Variants in CCSER2 observed in about 807,000 individuals in gnomAD.
CCSER2 encodes the protein coiled-coil serine rich protein 2.
In CCSER2, 46 loss-of-function variants were observed where a neutral mutation model predicts 92.3. The observed-to-expected ratio is 0.50, with a 90% confidence interval of 0.39 to 0.64. The LOEUF (loss-of-function observed/expected upper bound fraction) is 0.64. Among genes scored for constraint, CCSER2 ranks in the 30% least tolerant of loss-of-function variants. CCSER2 has a pLI of 0.00. For synonymous variants in CCSER2, 433 were observed against 431.4 expected (o/e 1.00, Z -0.04); for missense variants, 1,244 against 1,238.9 (o/e 1.00, Z -0.06).
intron 6 of CCSER2, among the ~76,000 whole-genome samples, chr10:84,445,374 C>T (rs190313006): frequency 1.3e-5 from 2 of 152,272 alleles, no homozygotes; most frequent in East Asian, 1.9e-4. Flanking sequence ...AGGATGACCT[C>T]GATCTCCTGA....
intron 6 of CCSER2, among the ~76,000 whole-genome samples, chr10:84,442,106 T>C (rs748018890): frequency 4.6e-5 from 7 of 152,074 alleles, no homozygotes; most frequent in Admixed American, 1.3e-4. Flanking sequence ...ATTTTTAACC[T>C]TAAGGGGTCA....
At chr10:84,508,544 A>T (rs1201869990) in intron 9 of CCSER2, among the ~76,000 whole-genome samples, 1 of 152,182 alleles carries the variant, frequency 6.6e-6, no homozygotes, top group East Asian at 1.9e-4. Context: ...TGTAAAAGCT[A>T]AGTGACTCAG....
intron 3 of CCSER2, among the ~76,000 whole-genome samples, chr10:84,385,034 C>CA (rs61236890): frequency 5.3e-4 from 80 of 151,534 alleles, no homozygotes; most frequent in African/African-American, 1.8e-3. Flanking sequence ...CACACACACA[C>CA]CCAGGAATAC....
At chr10:84,391,005 C>G in intron 3 of CCSER2, 1 of 772,844 alleles carries the variant, frequency 1.3e-6, no homozygotes, top group Non-Finnish European at 2.4e-6. Context: ...AGAACCTGCT[C>G]GTGCTTTACA....
chr10:84,392,167 T>C (rs1841557739), intron 3 of CCSER2: 1 of 550,234 alleles, frequency 1.8e-6, no homozygotes, highest in African/African-American at 1.9e-5. Context: ...CGGTAGGGAA[T>C]ACACTACAAT....
intron 9 of CCSER2, among the ~76,000 whole-genome samples, chr10:84,503,179 A>T (rs951693907): frequency 1.3e-5 from 2 of 152,248 alleles, no homozygotes; most frequent in South Asian, 2.1e-4. Context: ...CGTGAGCCAG[A>T]TCGCACCACT....
chr10:84,442,381 G>A (rs777862199), intron 6 of CCSER2, among the ~76,000 whole-genome samples: 1 of 152,122 alleles, frequency 6.6e-6, no homozygotes, highest in South Asian at 2.1e-4. Context: ...AACATAGGCT[G>A]TATATTAGAT....
At chr10:84,485,067 CAA>C (rs1847725142) in intron 9 of CCSER2, among the ~76,000 whole-genome samples, 1 of 152,094 alleles carries the variant, frequency 6.6e-6, no homozygotes, top group Non-Finnish European at 1.5e-5. Flanking sequence ...TTGGAAGAAG[CAA>C]AGTTTGCCTG....
Position 84,391,006 on chromosome 10 carries a change from G to A in CCSER2, c.1614+17191G>A, listed in dbSNP as rs141374873. 3.7e-4 allele frequency: 287 copies of A among 772,914 alleles called. 1 individual carries two copies. In the African/African-American group the frequency reaches 4.5e-3, roughly 12 times the overall value. The allele number at this position is 772,914 out of a possible 1,614,324, so 47.9% of individuals were successfully genotyped here. On this transcript the variant is annotated intron_variant, in intron 3 of 9. Coordinates refer to ENST00000372088, the MANE Select transcript of CCSER2 (RefSeq NM_001284240.2). Reference sequence around the variant, plus strand: ...TAAATACCAGCATAAGAACCTGCTCGTGCTTTACAATGCCTTAGGAACATT... The same window carrying A: ...TAAATACCAGCATAAGAACCTGCTCATGCTTTACAATGCCTTAGGAACATT...
At chr10:84,344,087 T>A (rs1404251221) in intron 1 of CCSER2, among the ~76,000 whole-genome samples, 3 of 152,220 alleles carry the variant, frequency 2.0e-5, no homozygotes, top group Non-Finnish European at 4.4e-5. Flanking sequence ...TTTAATATGT[T>A]TCATAAGCAC....
chr10:84,333,846 T>C (rs1486189456), intron 1 of CCSER2, among the ~76,000 whole-genome samples: 1 of 152,244 alleles, frequency 6.6e-6, no homozygotes, highest in Non-Finnish European at 1.5e-5. Flanking sequence ...CACAGCACTT[T>C]GTTATATTTC....
rs567921964 is a variant in CCSER2 at position 84,409,084 on chromosome 10, G to A, written c.1615-8687G>A. 3.0e-4 allele frequency among the ~76,000 whole-genome samples: 46 copies of A among 152,030 alleles called. No homozygotes were observed. The South Asian group carries it at 8.3e-3, about 27-fold the overall frequency. On this transcript the variant is annotated intron_variant, in intron 3 of 9. Transcript: ENST00000372088. Reference sequence around the variant, plus strand: ...CGGCTCACTGCAACCTCCACCTCCCGGGTTCAAGAGATTCTCCTGCCTCAG... The same window carrying A: ...CGGCTCACTGCAACCTCCACCTCCCAGGTTCAAGAGATTCTCCTGCCTCAG...
intron 9 of CCSER2, among the ~76,000 whole-genome samples, 154 bp downstream of exon 9, chr10:84,477,818 ATG>A (rs149077419): frequency 0.023 from 3,434 of 152,146 alleles, 53 homozygotes; most frequent in Non-Finnish European, 0.038. Flanking sequence ...TTAGGTGTTT[ATG>A]TGTTTTCCTA....
In CCSER2 at chr10:84,365,050, A is replaced by T. The variant is rs192489945; in HGVS notation, c.-39-5964A>T. ...AGTCACCACGCCCGGCCTGAAAAAA[A>T]TTTTTAAATATTAAATACCAATACT... On this transcript the variant is annotated intron_variant, in intron 1 of 9. Transcript: ENST00000372088. Among the ~76,000 whole-genome samples, 794 of 152,180 alleles carry T rather than the reference A, an allele frequency of 5.2e-3. 2 individuals are homozygous for T. The highest frequency in any genetic ancestry group is 0.018 in the African/African-American group (754 of 41,540).
At chr10:84,493,002 G>A (rs572422326) in intron 9 of CCSER2, among the ~76,000 whole-genome samples, 10 of 152,112 alleles carry the variant, frequency 6.6e-5, no homozygotes, top group East Asian at 1.9e-4. Context: ...TTTTCTTCTC[G>A]TCTGCTTTAT....
intron 3 of CCSER2, among the ~76,000 whole-genome samples, chr10:84,387,602 C>A (rs1007658020): frequency 1.3e-5 from 2 of 151,906 alleles, no homozygotes; most frequent in Non-Finnish European, 2.9e-5. Flanking sequence ...AATCTCAGCT[C>A]ACTGTAAGCT....
chr10:84,333,766 C>T (rs1307260057), intron 1 of CCSER2, among the ~76,000 whole-genome samples: 1 of 152,176 alleles, frequency 6.6e-6, no homozygotes, highest in Non-Finnish European at 1.5e-5. Flanking sequence ...AACTGATACA[C>T]AACAGAGTGG....
At chr10:84,352,417 A>C (rs529616049) in intron 1 of CCSER2, among the ~76,000 whole-genome samples, 21 of 152,242 alleles carry the variant, frequency 1.4e-4, no homozygotes, top group Middle Eastern at 3.4e-3. Flanking sequence ...GACATAGTTC[A>C]TGGCACTGGC....
At chr10:84,372,527 A>AAAT in intron 2 of CCSER2, 58 bp downstream of exon 2, 1 of 979,726 alleles carries the variant, frequency 1.0e-6, no homozygotes. Flanking sequence ...AACTGAACTT[A>AAAT]CATTTAGGAT....
Sources: gnomAD v4.1 joint callset for allele counts (sites outside exome capture counted in the v4.1 genomes callset) on GRCh38, gnomAD v4.1.1 for gene constraint, MANE v1.5 for transcripts, NCBI Gene and HGNC (gene_info 2026-07-23, HGNC 2026-07-21) for gene names.